Variants in EXOC4 observed in about 807,000 individuals in gnomAD.
EXOC4 encodes exocyst complex component 4, also known as SEC8-like 1.
A neutral mutation model predicts 107.2 loss-of-function variants in EXOC4; 71 were observed. The observed-to-expected ratio is 0.66, with a 90% CI of 0.55 to 0.81. The LOEUF is 0.81. EXOC4 is among the 30% of genes least tolerant of loss of function. The pLI is 0.00. For synonymous variants in EXOC4, 456 were observed against 441.2 expected (o/e 1.03, Z -0.42); for missense variants, 1,108 against 1,189.6 (o/e 0.93, Z 1.01).
chr7:133,404,103 TTTTG>T (rs1305238911), intron 7 of EXOC4, among the ~76,000 whole-genome samples: 1 of 152,036 alleles, frequency 6.6e-6, no homozygotes, highest in Non-Finnish European at 1.5e-5. Flanking sequence ...CTTAACTTTT[TTTTG>T]TTTGTTTGTT....
chr7:133,540,706 T>G (rs1800363503), intron 9 of EXOC4, among the ~76,000 whole-genome samples: 1 of 152,210 alleles, frequency 6.6e-6, no homozygotes, highest in Non-Finnish European at 1.5e-5. Flanking sequence ...CTGCCAGCAG[T>G]TATCAATTTG....
chr7:133,386,001 G>GTTTCAAGTTTTTT (rs1796717786), intron 7 of EXOC4, among the ~76,000 whole-genome samples: 1 of 150,682 alleles, frequency 6.6e-6, no homozygotes, highest in African/African-American at 2.4e-5. Context: ...ATGTATGATT[G>GTTTCAAGTTTTTT]TTTTCTAATT....
chr7:133,854,407 A>AGC (rs1362852854), intron 11 of EXOC4, among the ~76,000 whole-genome samples: 258 of 108,082 alleles, frequency 2.4e-3, no homozygotes, highest in African/African-American at 8.8e-3. Flanking sequence ...TTGTTGAAAG[A>AGC]GCACACACAC....
intron 14 of EXOC4, among the ~76,000 whole-genome samples, chr7:133,953,611 A>C (rs1452030687): frequency 1.3e-5 from 2 of 152,082 alleles, no homozygotes; most frequent in Non-Finnish European, 2.9e-5. Flanking sequence ...TGATTGCACC[A>C]CTGCACTCCA....
chr7:133,711,035 C>T (rs1430734012), intron 10 of EXOC4, among the ~76,000 whole-genome samples: 1 of 152,032 alleles, frequency 6.6e-6, no homozygotes, highest in Non-Finnish European at 1.5e-5. Flanking sequence ...CACACCGTCC[C>T]CACGGAAAAA....
chr7:133,945,543 A>G (rs1800530023), intron 14 of EXOC4, among the ~76,000 whole-genome samples: 2 of 152,328 alleles, frequency 1.3e-5, no homozygotes, highest in South Asian at 4.1e-4. Flanking sequence ...ATTAACAACA[A>G]AAATGTTCCT....
chr7:133,816,472 G>A (rs928256378), intron 10 of EXOC4, among the ~76,000 whole-genome samples: 1 of 152,134 alleles, frequency 6.6e-6, no homozygotes, highest in Non-Finnish European at 1.5e-5. Context: ...TAAGGTTGAA[G>A]TTCTCCTTTG....
At chr7:133,387,677 G>C (rs1048013369) in intron 7 of EXOC4, among the ~76,000 whole-genome samples, 5 of 152,044 alleles carry the variant, frequency 3.3e-5, no homozygotes, top group Admixed American at 1.3e-4. Flanking sequence ...GTAATGGAGG[G>C]GAGAAATTTT....
intron 10 of EXOC4, among the ~76,000 whole-genome samples, chr7:133,681,382 A>ATT (rs35912736): frequency 1.0e-3 from 152 of 150,898 alleles, no homozygotes; most frequent in African/African-American, 2.8e-3. Flanking sequence ...TTCAAGGGCA[A>ATT]TTTTTTTTTT....
intron 10 of EXOC4, among the ~76,000 whole-genome samples, chr7:133,715,256 C>T (rs932998951): frequency 1.3e-5 from 2 of 152,132 alleles, no homozygotes; most frequent in African/African-American, 2.4e-5. Flanking sequence ...AAAGTAGTTC[C>T]CCTGCTTTAG....
chr7:133,855,333 ATTT>A (rs2116294444), intron 11 of EXOC4, among the ~76,000 whole-genome samples: 1 of 151,222 alleles, frequency 6.6e-6, no homozygotes, highest in Admixed American at 6.6e-5. Context: ...TCCACAGCAG[ATTT>A]CAACTGTACC....
intron 9 of EXOC4, among the ~76,000 whole-genome samples, chr7:133,486,091 A>G (rs1000757045): frequency 1.2e-4 from 18 of 152,028 alleles, no homozygotes; most frequent in South Asian, 8.3e-4. Flanking sequence ...TAAATCTCCA[A>G]CCACTTGAGA....
At chr7:133,705,503 T>C (rs1170303301) in intron 10 of EXOC4, among the ~76,000 whole-genome samples, 2 of 152,240 alleles carry the variant, frequency 1.3e-5, no homozygotes, top group African/African-American at 4.8e-5. Flanking sequence ...TTCCTCCTTA[T>C]CCACAATTTT....
intron 12 of EXOC4, among the ~76,000 whole-genome samples, chr7:133,912,330 G>A (rs551061329): frequency 9.8e-5 from 15 of 152,300 alleles, no homozygotes; most frequent in Middle Eastern, 3.4e-3. Context: ...AATAAGTAGC[G>A]TAGAAGGGAA....
chr7:133,344,973 T>C (rs1795751795), intron 5 of EXOC4, among the ~76,000 whole-genome samples: 1 of 152,208 alleles, frequency 6.6e-6, no homozygotes, highest in Admixed American at 6.5e-5. Flanking sequence ...CAGTTCAGTT[T>C]TCAAGTGATC....
chr7:133,701,163 C>T (rs1403451764), intron 10 of EXOC4, among the ~76,000 whole-genome samples: 2 of 152,122 alleles, frequency 1.3e-5, no homozygotes, highest in Non-Finnish European at 2.9e-5. Flanking sequence ...TTGAATTTAT[C>T]CATAGATAAT....
chr7:134,018,525 A>G (rs1406204308), intron 17 of EXOC4, among the ~76,000 whole-genome samples: 1 of 152,194 alleles, frequency 6.6e-6, no homozygotes, highest in African/African-American at 2.4e-5. Flanking sequence ...ACATGGCCAC[A>G]GTGAATTCTG....
chr7:134,008,697 C>T (rs561249913), intron 17 of EXOC4, among the ~76,000 whole-genome samples: 1 of 152,128 alleles, frequency 6.6e-6, no homozygotes, highest in Non-Finnish European at 1.5e-5. Context: ...GGCTGGAGTG[C>T]AGTGGTGTGA....
At chr7:133,453,369 C>T (rs1798391142) in intron 7 of EXOC4, among the ~76,000 whole-genome samples, 1 of 152,076 alleles carries the variant, frequency 6.6e-6, no homozygotes, top group Admixed American at 6.5e-5. Flanking sequence ...ATTGCATTTG[C>T]TTTATATTGT....
Sources: gnomAD v4.1 joint callset for allele counts (sites outside exome capture counted in the v4.1 genomes callset) on GRCh38, gnomAD v4.1.1 for gene constraint, MANE v1.5 for transcripts, NCBI Gene and HGNC (gene_info 2026-07-23, HGNC 2026-07-21) for gene names.